Variants in NR6A1 observed in about 807,000 individuals in gnomAD.
NR6A1 encodes the protein nuclear receptor subfamily 6 group A member 1, also known as retinoic acid receptor-related testis-associated receptor.
Under a neutral mutation model 59.1 loss-of-function variants are expected in NR6A1, and 7 were observed. The ratio of observed to expected loss-of-function variants is 0.12; its 90% CI spans 0.07 to 0.22. The LOEUF is 0.22. NR6A1 is among the 10% of genes least tolerant of loss of function. The pLI, the probability that NR6A1 is intolerant of heterozygous loss-of-function variation, is 1.00. For synonymous variants in NR6A1, 243 were observed against 236.1 expected (o/e 1.03, Z -0.27); for missense variants, 468 against 611.6 (o/e 0.77, Z 2.48).
intron 2 of NR6A1, among the ~76,000 whole-genome samples, chr9:124,636,723 C>T (rs146208431): frequency 4.5e-4 from 68 of 152,290 alleles, no homozygotes; most frequent in African/African-American, 1.4e-3. Flanking sequence ...GATCAGTTGA[C>T]GGCATTTACA....
In NR6A1 at chr9:124,707,509, TCTA is replaced by T. The variant is rs557482369; in HGVS notation, c.142+25796_142+25798del. ...CATTTAGGATCACTCAGAGACAGTT[TCTA>T]CTGTTTTTTTTTTTTTCTTTCCTTA... On this transcript the variant is annotated intron_variant, in intron 2 of 9. Coordinates refer to ENST00000487099, the MANE Select transcript of NR6A1 (RefSeq NM_033334.4). 6.0e-4 allele frequency among the ~76,000 whole-genome samples: 90 copies of T among 150,494 alleles called. 1 individual carries two copies. The South Asian group carries it at 0.018, about 30-fold the overall frequency.
intron 2 of NR6A1, among the ~76,000 whole-genome samples, chr9:124,568,324 A>G (rs918764609): frequency 6.6e-6 from 1 of 151,936 alleles, no homozygotes; most frequent in Non-Finnish European, 1.5e-5. Context: ...CGTCTCTACT[A>G]AAAATACAAA....
chr9:124,626,523 T>A (rs1353679374), intron 2 of NR6A1, among the ~76,000 whole-genome samples: 1 of 152,222 alleles, frequency 6.6e-6, no homozygotes, highest in Non-Finnish European at 1.5e-5. Flanking sequence ...ATAAATTAAA[T>A]CCAGAAGTGT....
chr9:124,685,279 G>A (rs1838295920), intron 2 of NR6A1, among the ~76,000 whole-genome samples: 1 of 152,186 alleles, frequency 6.6e-6, no homozygotes, highest in African/African-American at 2.4e-5. Flanking sequence ...ATGATGCCTA[G>A]GAATCTGCAC....
intron 2 of NR6A1, among the ~76,000 whole-genome samples, chr9:124,680,730 A>G (rs922544083): frequency 6.6e-6 from 1 of 152,192 alleles, no homozygotes; most frequent in Admixed American, 6.5e-5. Flanking sequence ...TTCCTAACAT[A>G]TGAACTCCAA....
intron 2 of NR6A1, among the ~76,000 whole-genome samples, chr9:124,674,920 A>C (rs1038059242): frequency 2.6e-5 from 4 of 152,174 alleles, no homozygotes; most frequent in Non-Finnish European, 2.9e-5. Flanking sequence ...GAGGAAAATG[A>C]TTTTTCTTGC....
intron 2 of NR6A1, among the ~76,000 whole-genome samples, chr9:124,611,757 G>GAA (rs1443721092): frequency 3.0e-5 from 3 of 100,014 alleles, no homozygotes; most frequent in Admixed American, 1.1e-4. Flanking sequence ...CTTAGAGAGA[G>GAA]AGAGAGAGAG....
At chr9:124,723,977 C>T (rs1182362992) in intron 2 of NR6A1, among the ~76,000 whole-genome samples, 2 of 152,144 alleles carry the variant, frequency 1.3e-5, no homozygotes, top group Admixed American at 6.5e-5. Context: ...TATACACAAA[C>T]GTGTTCACTG....
chr9:124,597,128 G>A lies in NR6A1; in HGVS notation c.143-42558C>T, dbSNP rs540978090. On this transcript the variant is annotated intron_variant, in intron 2 of 9. Coordinates refer to ENST00000487099, the MANE Select transcript of NR6A1 (RefSeq NM_033334.4). The stretch of plus-strand genomic sequence containing the variant: ...CTAGAGGGCTTTTCTAACCAACAGA[G>A]AGCATTAGGGTCATCTTACAAAGTA... Among the ~76,000 whole-genome samples, 13 of 152,242 alleles carry A rather than the reference G, an allele frequency of 8.5e-5. No homozygotes were observed. In the South Asian group the frequency reaches 1.0e-3, roughly 12 times the overall value.
chr9:124,758,057 G>C (rs1840684644), intron 1 of NR6A1, among the ~76,000 whole-genome samples: 1 of 152,224 alleles, frequency 6.6e-6, no homozygotes, highest in East Asian at 1.9e-4. Flanking sequence ...ACTGCTTGCA[G>C]TCAGTTCTGA....
chr9:124,534,103 G>A (rs573021416), intron 7 of NR6A1, among the ~76,000 whole-genome samples: 42 of 139,236 alleles, frequency 3.0e-4, no homozygotes, highest in African/African-American at 1.0e-3. Flanking sequence ...ACGGAGTTTC[G>A]CTCTTGTCGC....
chr9:124,586,915 T>C lies in NR6A1; in HGVS notation c.143-32345A>G, dbSNP rs76315116. 1.9e-3 allele frequency among the ~76,000 whole-genome samples: 296 copies of C among 152,310 alleles called. 2 individuals carry two copies. The highest frequency in any genetic ancestry group is 0.018 in the South Asian group (89 of 4,830). ...AAAGCAGCAGCAGGGTTTGAGAAGA[T>C]TGACATGAATTTTGAAAGAGGTTCT... is the stretch of plus-strand genomic sequence containing the variant. On this transcript the variant is annotated intron_variant, in intron 2 of 9. Coordinates refer to ENST00000487099, the MANE Select transcript of NR6A1 (RefSeq NM_033334.4).
chr9:124,686,586 TG>T (rs563981314), intron 2 of NR6A1, among the ~76,000 whole-genome samples: 18 of 152,002 alleles, frequency 1.2e-4, no homozygotes, highest in Non-Finnish European at 1.9e-4. Flanking sequence ...TGATTTACCA[TG>T]AAAAAAAACG....
At chr9:124,578,742 T>TAC (rs1311756925) in intron 2 of NR6A1, among the ~76,000 whole-genome samples, 5 of 152,226 alleles carry the variant, frequency 3.3e-5, no homozygotes, top group Non-Finnish European at 7.3e-5. Context: ...CAAAACACTC[T>TAC]ACTTCCTCTA....
intron 3 of NR6A1, among the ~76,000 whole-genome samples, chr9:124,549,416 C>T (rs770340081): frequency 6.6e-6 from 1 of 152,148 alleles, no homozygotes; most frequent in Non-Finnish European, 1.5e-5. Flanking sequence ...CTTAAGGAGC[C>T]TGACTTTATC....
At chr9:124,570,474 C>T (rs913854669) in intron 2 of NR6A1, among the ~76,000 whole-genome samples, 9 of 152,160 alleles carry the variant, frequency 5.9e-5, no homozygotes, top group Non-Finnish European at 1.3e-4. Context: ...CTACAATGAA[C>T]TGAAATGAAT....
At chr9:124,630,919 T>G (rs928252026) in intron 2 of NR6A1, among the ~76,000 whole-genome samples, 1 of 151,982 alleles carries the variant, frequency 6.6e-6, no homozygotes, top group Admixed American at 6.6e-5. Flanking sequence ...GTGATCCACC[T>G]GCCTTGGCCT....
intron 2 of NR6A1, among the ~76,000 whole-genome samples, chr9:124,705,976 A>G (rs1839122404): frequency 6.6e-6 from 1 of 152,132 alleles, no homozygotes; most frequent in African/African-American, 2.4e-5. Flanking sequence ...AGGTTTCATC[A>G]TGTTGGCCAG....
At chr9:124,734,045 C>T (rs1187906612) in intron 1 of NR6A1, among the ~76,000 whole-genome samples, 1 of 152,174 alleles carries the variant, frequency 6.6e-6, no homozygotes, top group African/African-American at 2.4e-5. Flanking sequence ...CTCTATACAT[C>T]GTTGATGAAA....
Sources: gnomAD v4.1 joint callset for allele counts (sites outside exome capture counted in the v4.1 genomes callset) on GRCh38, gnomAD v4.1.1 for gene constraint, MANE v1.5 for transcripts, NCBI Gene and HGNC (gene_info 2026-07-23, HGNC 2026-07-21) for gene names.